RAD52: variants seen among roughly 807,000 people sequenced by gnomAD.
RAD52 encodes the protein RAD52 DNA repair protein, also known as DNA repair protein RAD52 homolog.
Under a neutral mutation model 55.5 loss-of-function variants are expected in RAD52, and 47 were observed. The observed-to-expected ratio is 0.85, with a 90% confidence interval of 0.67 to 1.08. The LOEUF is 1.08. Ranked by LOEUF, RAD52 falls within the 50% of genes least tolerant of loss-of-function variation. The pLI, the probability that RAD52 is intolerant of heterozygous loss-of-function variation, is 0.00. For synonymous variants in RAD52, 184 were observed against 198.9 expected (o/e 0.92, Z 0.63); for missense variants, 468 against 522.8 (o/e 0.90, Z 1.02).
intron 1 of RAD52, among the ~76,000 whole-genome samples, chr12:958,203 T>C (rs1958635895): frequency 1.3e-5 from 2 of 151,824 alleles, no homozygotes; most frequent in South Asian, 4.1e-4. Flanking sequence ...GTCAGAAAGC[T>C]GTATTGCCTT....
chr12:943,601 G>A (rs1241631515), intron 1 of RAD52, among the ~76,000 whole-genome samples: 1 of 152,022 alleles, frequency 6.6e-6, no homozygotes, highest in African/African-American at 2.4e-5. Context: ...CCCCCGCCTC[G>A]GCCTCCCAAA....
At chr12:921,009 A>C (rs1361509075) in intron 7 of RAD52, among the ~76,000 whole-genome samples, 1 of 152,160 alleles carries the variant, frequency 6.6e-6, no homozygotes, top group African/African-American at 2.4e-5. Context: ...AAAATCCACA[A>C]ATCAGTAGAA....
intron 1 of RAD52, among the ~76,000 whole-genome samples, chr12:959,565 C>T (rs1397864951): frequency 2.0e-5 from 3 of 152,098 alleles, no homozygotes; most frequent in Non-Finnish European, 4.4e-5. Context: ...GCAGTTCTGG[C>T]GGATGTTGAG....
rs117660449 is a variant in RAD52 at position 984,616 on chromosome 12, T to C, written c.-19+5193A>G. 2.0e-5 allele frequency among the ~76,000 whole-genome samples: 3 copies of C among 152,296 alleles called. No homozygotes were observed. In the East Asian group the frequency reaches 5.8e-4, roughly 29 times the overall value. On this transcript the variant is annotated intron_variant, in intron 1 of 11. Transcript: ENST00000430095. ...TAAGGTCTTTAAGGTTCATCCACAG[T>C]GTAGCATATGTCAGAATTTCCTTCC...
chr12:978,895 T>TAGATAGAC (rs1555183688), intron 1 of RAD52, among the ~76,000 whole-genome samples: 1 of 149,516 alleles, frequency 6.7e-6, no homozygotes, highest in Non-Finnish European at 1.5e-5. Flanking sequence ...GATAGGTAGA[T>TAGATAGAC]AGATAGATAG....
intron 7 of RAD52, among the ~76,000 whole-genome samples, chr12:921,188 C>T (rs1414418579): frequency 4.0e-5 from 6 of 151,704 alleles, no homozygotes; most frequent in South Asian, 2.1e-4. Context: ...CTCAAATCTA[C>T]GCTATACCTC....
At chr12:963,242 C>T (rs1426061302) in intron 1 of RAD52, among the ~76,000 whole-genome samples, 1 of 152,102 alleles carries the variant, frequency 6.6e-6, no homozygotes, top group African/African-American at 2.4e-5. Flanking sequence ...TCTTTTTAGC[C>T]AAGGACTCCT....
intron 7 of RAD52, among the ~76,000 whole-genome samples, chr12:920,559 CAAA>C (rs35033819): frequency 2.8e-5 from 3 of 105,818 alleles, no homozygotes; most frequent in Admixed American, 9.5e-5. Context: ...GACTCCGTCT[CAAA>C]AAAAAAAAAA....
chr12:937,362 T>C (rs1336165042), intron 1 of RAD52, among the ~76,000 whole-genome samples: 12 of 152,004 alleles, frequency 7.9e-5, no homozygotes. Context: ...AGCTGTAGGT[T>C]CTCCAGGTTC....
chr12:983,776 C>T (rs191141477), intron 1 of RAD52, among the ~76,000 whole-genome samples: 243 of 152,286 alleles, frequency 1.6e-3, no homozygotes, highest in African/African-American at 5.5e-3. Flanking sequence ...TCACTGGTAT[C>T]TCTTCCTCTT....
upstream of RAD52, among the ~76,000 whole-genome samples, chr12:990,848 A>G (rs190060815): frequency 2.2e-4 from 34 of 151,836 alleles, 1 homozygote; most frequent in East Asian, 5.5e-3. Context: ...TCCAGCGTCC[A>G]CTTCCTACGG....
At chr12:930,983 A>T (rs1957298537) in intron 3 of RAD52, among the ~76,000 whole-genome samples, 1 of 151,772 alleles carries the variant, frequency 6.6e-6, no homozygotes, top group African/African-American at 2.4e-5. Flanking sequence ...AAAATAAAAA[A>T]AAAAAAAGAT....
At chr12:973,156 C>G (rs898337485) in intron 1 of RAD52, among the ~76,000 whole-genome samples, 4 of 151,298 alleles carry the variant, frequency 2.6e-5, no homozygotes, top group African/African-American at 7.3e-5. Context: ...TGCAAGCTCC[C>G]CCTCCCGGGT....
intron 7 of RAD52, among the ~76,000 whole-genome samples, chr12:918,784 C>G (rs914226142): frequency 3.3e-5 from 5 of 151,970 alleles, no homozygotes; most frequent in Non-Finnish European, 5.9e-5. Flanking sequence ...AGGAACACAG[C>G]TGGGCCTTCT....
intron 7 of RAD52, among the ~76,000 whole-genome samples, chr12:925,002 G>A (rs1286214648): frequency 1.4e-5 from 2 of 147,738 alleles, no homozygotes; most frequent in East Asian, 2.0e-4. Context: ...CCAGGTTGGA[G>A]TGCAGTGGTG....
rs1238488777 is a variant in RAD52, at chr12:982,863, G to A, written c.-19+6946C>T. The stretch of plus-strand genomic sequence containing the variant: ...CACGATGCCTGCTAATTTTTGTTCT[G>A]TTTTGAGACAGAGTCTCACTCCGTC... On this transcript the variant is annotated intron_variant, in intron 1 of 11. Coordinates refer to the RAD52 transcript ENST00000430095. 4.8e-5 allele frequency among the ~76,000 whole-genome samples: 7 copies of A among 145,554 alleles called. No homozygotes were observed. In the East Asian group the frequency reaches 1.5e-3, roughly 30 times the overall value.
chr12:933,101 A>G, intron 1 of RAD52, 25 bp from the exon 2 acceptor site: 1 of 1,501,464 alleles, frequency 6.7e-7, no homozygotes, highest in South Asian at 1.2e-5. Context: ...AGCGGAAAAA[A>G]AAAACAACCC....
intron 5 of RAD52, 107 bp downstream of exon 5, chr12:929,712 C>G: frequency 9.3e-7 from 1 of 1,078,018 alleles, no homozygotes; most frequent in South Asian, 1.2e-5. Flanking sequence ...GGCTGAGACA[C>G]AACTCTGGAG....
intron 2 of RAD52, among the ~76,000 whole-genome samples, chr12:932,215 C>G (rs1219856617): frequency 6.6e-6 from 1 of 152,064 alleles, no homozygotes; most frequent in Non-Finnish European, 1.5e-5. Context: ...AAAATTAAGC[C>G]CGGGCGTGGT....
Sources: allele counts gnomAD v4.1 joint callset (sites outside exome capture counted in the v4.1 genomes callset), GRCh38; gene constraint gnomAD v4.1.1; transcripts MANE v1.5; gene names NCBI Gene and HGNC (gene_info 2026-07-23, HGNC 2026-07-21).